The following EYS variants were observed in gnomAD, a reference collection of about 807,000 sequenced individuals.
EYS encodes EGF-like photoreceptor maintenance factor, also known as protein eyes shut homolog.
EYS carries 250 observed loss-of-function variants against 282.1 expected under a neutral mutation model. The observed-to-expected ratio is 0.89, with a 90% CI of 0.80 to 0.98. The LOEUF is 0.98. Ranked by LOEUF, EYS falls within the 50% of genes least tolerant of loss-of-function variation. The pLI, the probability that EYS is intolerant of heterozygous loss-of-function variation, is 0.00. For missense variants in EYS, 4,016 were observed against 3,709.0 expected (o/e 1.08, Z -2.15); for synonymous variants, 1,355 against 1,282.9 (o/e 1.06, Z -1.20).
At chr6:64,161,723 T>A (rs1305998683) in intron 31 of EYS, among the ~76,000 whole-genome samples, 1 of 152,178 alleles carries the variant, frequency 6.6e-6, no homozygotes, top group Admixed American at 6.5e-5. Flanking sequence ...GATTTTAAAG[T>A]GGAATTATAT....
intron 12 of EYS, among the ~76,000 whole-genome samples, chr6:65,182,229 T>TA (rs1188536877): frequency 2.7e-5 from 4 of 150,262 alleles, no homozygotes; most frequent in Non-Finnish European, 4.4e-5. Context: ...AATAATAAAA[T>TA]AAAAAAACAA....
chr6:65,193,939 T>C lies in EYS; in HGVS notation c.2023+101924A>G, dbSNP rs1765703684. 2.6e-5 allele frequency among the ~76,000 whole-genome samples: 4 copies of C among 152,010 alleles called. No individual in the cohort carries two copies. The South Asian group carries it at 8.3e-4, about 32-fold the overall frequency. ...TAATAACATCGTTTTAACTTCTTGGTAAACCAAGGTTTTCAATTAAAGGTT... is the reference window on the plus strand; with the variant it reads ...TAATAACATCGTTTTAACTTCTTGGCAAACCAAGGTTTTCAATTAAAGGTT... On this transcript the variant is annotated intron_variant, in intron 12 of 42. Transcript: ENST00000503581.
At chr6:64,298,047 T>A (rs1769100913) in intron 30 of EYS, among the ~76,000 whole-genome samples, 1 of 151,144 alleles carries the variant, frequency 6.6e-6, no homozygotes, top group Non-Finnish European at 1.5e-5. Flanking sequence ...CTAAGAAAGA[T>A]TGTTAACACT....
At chr6:65,439,130 G>C (rs1274137858) in intron 5 of EYS, among the ~76,000 whole-genome samples, 1 of 152,046 alleles carries the variant, frequency 6.6e-6, no homozygotes, top group East Asian at 1.9e-4. Context: ...CCCATTTCTT[G>C]TTTTTGTCAG....
At chr6:64,513,364 C>G (rs1777466407) in intron 26 of EYS, among the ~76,000 whole-genome samples, 1 of 151,850 alleles carries the variant, frequency 6.6e-6, no homozygotes, top group African/African-American at 2.4e-5. Context: ...GGACAGTTTA[C>G]TTTTATACTT....
At chr6:64,085,316 G>A (rs944627913) in intron 31 of EYS, among the ~76,000 whole-genome samples, 4 of 132,674 alleles carry the variant, frequency 3.0e-5, no homozygotes, top group African/African-American at 1.0e-4. Context: ...CCTTCCAGAC[G>A]CGCGCGCGTG....
chr6:64,101,070 G>A (rs1180210232), intron 31 of EYS, among the ~76,000 whole-genome samples: 1 of 152,042 alleles, frequency 6.6e-6, no homozygotes, highest in Non-Finnish European at 1.5e-5. Flanking sequence ...TGTCTGTCAT[G>A]CTTTTAAAAA....
chr6:65,499,775 G>T (rs554370490), intron 2 of EYS, among the ~76,000 whole-genome samples: 1 of 151,940 alleles, frequency 6.6e-6, no homozygotes, highest in South Asian at 2.1e-4. Context: ...GAAAAAAATG[G>T]TAAATTTTAA....
intron 12 of EYS, among the ~76,000 whole-genome samples, chr6:65,290,505 A>T (rs1050183580): frequency 1.3e-5 from 2 of 151,266 alleles, no homozygotes; most frequent in African/African-American, 2.4e-5. Context: ...TGTGAATATT[A>T]TAAGTAACTC....
intron 30 of EYS, among the ~76,000 whole-genome samples, chr6:64,288,048 C>T (rs1457684909): frequency 6.6e-6 from 1 of 152,132 alleles, no homozygotes; most frequent in Non-Finnish European, 1.5e-5. Context: ...ATATGAAACT[C>T]ATTTGCAAAA....
chr6:64,479,473 G>C (rs1277786310), intron 26 of EYS, among the ~76,000 whole-genome samples: 2 of 151,840 alleles, frequency 1.3e-5, no homozygotes, highest in African/African-American at 4.8e-5. Flanking sequence ...ATCTCTTACT[G>C]TAAATGCCAA....
At chr6:65,102,485 T>C (rs1328611681) in intron 12 of EYS, among the ~76,000 whole-genome samples, 3 of 151,340 alleles carry the variant, frequency 2.0e-5, no homozygotes, top group Non-Finnish European at 4.4e-5. Flanking sequence ...CATGGCTCTT[T>C]CTACTTTTTT....
intron 2 of EYS, among the ~76,000 whole-genome samples, chr6:65,569,181 C>G (rs9345653): frequency 1.3e-5 from 2 of 151,974 alleles, no homozygotes; most frequent in Non-Finnish European, 2.9e-5. Flanking sequence ...TGGCTCATCC[C>G]GGCTCAAAAG....
intron 11 of EYS, among the ~76,000 whole-genome samples, chr6:65,322,808 A>G (rs1304500024): frequency 6.7e-6 from 1 of 149,012 alleles, no homozygotes; most frequent in African/African-American, 2.5e-5. Flanking sequence ...AAAAAAAAAA[A>G]AAAAAGAAAA....
chr6:65,604,243 A>G (rs1484038946), intron 2 of EYS, among the ~76,000 whole-genome samples: 1 of 151,820 alleles, frequency 6.6e-6, no homozygotes, highest in Non-Finnish European at 1.5e-5. Flanking sequence ...ATTATTTATT[A>G]TTTCTCTCAA....
intron 2 of EYS, among the ~76,000 whole-genome samples, chr6:65,544,513 CT>C (rs1768310897): frequency 6.6e-6 from 1 of 152,026 alleles, no homozygotes. Context: ...GCTTTCCCCC[CT>C]TTTGCTCTGC....
chr6:63,843,908 A>G (rs1201201508), intron 36 of EYS, among the ~76,000 whole-genome samples: 1 of 152,210 alleles, frequency 6.6e-6, no homozygotes, highest in Non-Finnish European at 1.5e-5. Flanking sequence ...TTTGTTACAT[A>G]GGTAAACACA....
intron 2 of EYS, among the ~76,000 whole-genome samples, chr6:65,557,514 C>T (rs1768863524): frequency 6.6e-6 from 1 of 152,196 alleles, no homozygotes; most frequent in African/African-American, 2.4e-5. Context: ...CAACTGAGAG[C>T]TCAAAGATGC....
chr6:65,418,855 T>C (rs1767344925), intron 5 of EYS, among the ~76,000 whole-genome samples: 1 of 152,018 alleles, frequency 6.6e-6, no homozygotes, highest in South Asian at 2.1e-4. Context: ...AAATCTGTCA[T>C]GAATACTAAA....
Sources: allele counts gnomAD v4.1 joint callset (sites outside exome capture counted in the v4.1 genomes callset), GRCh38; gene constraint gnomAD v4.1.1; transcripts MANE v1.5; gene names NCBI Gene and HGNC (gene_info 2026-07-23, HGNC 2026-07-21).